Variants in PPARGC1A observed in about 807,000 individuals in gnomAD.
PPARGC1A encodes the protein peroxisome proliferator-activated receptor gamma coactivator 1-alpha.
In PPARGC1A, 25 loss-of-function variants were observed where a neutral mutation model predicts 88.7. That is an observed-to-expected ratio of 0.28 (90% CI 0.21 to 0.39). The LOEUF (loss-of-function observed/expected upper bound fraction) is 0.39. PPARGC1A is among the 10% of genes least tolerant of loss of function. PPARGC1A has a pLI of 1.00. For synonymous variants in PPARGC1A, 363 were observed against 355.6 expected, an observed-to-expected ratio of 1.02 and a Z score of -0.24; for missense variants, 880 against 968.7, an observed-to-expected ratio of 0.91 and a Z score of 1.22.
At chr4:24,270,338 T>TTG in the PPARGC1A span, among the ~76,000 whole-genome samples, 1 of 145,688 alleles carries the variant, frequency 6.9e-6, no homozygotes, top group Non-Finnish European at 1.5e-5. Context: ...TCTCTCTGTG[T>TTG]GTGTGTGTGT....
chr4:24,311,410 T>G, the PPARGC1A span, among the ~76,000 whole-genome samples: 1 of 145,282 alleles, frequency 6.9e-6, no homozygotes, highest in Non-Finnish European at 1.5e-5. Context: ...CTTGGCCGGG[T>G]GGATCACGAG....
the PPARGC1A span, among the ~76,000 whole-genome samples, chr4:24,144,847 G>A: frequency 1.3e-5 from 2 of 151,920 alleles, no homozygotes; most frequent in African/African-American, 2.4e-5. Context: ...CAAAATCACC[G>A]AGGTGGTATT....
intron 3 of PPARGC1A, 24 bp from the exon 4 acceptor site, chr4:23,829,609 G>A (rs1265118688): frequency 1.9e-6 from 3 of 1,602,604 alleles, no homozygotes; most frequent in Non-Finnish European, 2.6e-6. Flanking sequence ...CAGGGAAAGG[G>A]AAAAGCAAGT....
the PPARGC1A span, among the ~76,000 whole-genome samples, chr4:24,236,710 A>T: frequency 6.6e-6 from 1 of 152,176 alleles, no homozygotes; most frequent in Non-Finnish European, 1.5e-5. Context: ...GCAAACACAC[A>T]GTGTTCTTTA....
chr4:24,035,498 A>G, the PPARGC1A span, among the ~76,000 whole-genome samples: 1 of 152,082 alleles, frequency 6.6e-6, no homozygotes, highest in East Asian at 1.9e-4. Flanking sequence ...GCGAGCCGAG[A>G]TCGCGCCATC....
At chr4:24,324,774 C>G in the PPARGC1A span, among the ~76,000 whole-genome samples, 1 of 152,138 alleles carries the variant, frequency 6.6e-6, no homozygotes, top group Non-Finnish European at 1.5e-5. Flanking sequence ...TCTCTGTGCC[C>G]AGTGAAACTC....
the PPARGC1A span, among the ~76,000 whole-genome samples, chr4:24,051,560 G>A: frequency 6.6e-6 from 1 of 152,116 alleles, no homozygotes; most frequent in African/African-American, 2.4e-5. Flanking sequence ...TAAGGCACTA[G>A]CCTCAAATCA....
At chr4:23,999,785 A>G in the PPARGC1A span, among the ~76,000 whole-genome samples, 126 of 152,264 alleles carry the variant, frequency 8.3e-4, no homozygotes, top group African/African-American at 3.0e-3. Context: ...GCACTCTGTG[A>G]TGGGGAGAGA....
the PPARGC1A span, among the ~76,000 whole-genome samples, chr4:24,417,117 G>A: frequency 6.6e-6 from 1 of 152,008 alleles, no homozygotes; most frequent in African/African-American, 2.4e-5. Context: ...AAAGGAAGGA[G>A]AGTTGGAAGG....
At chr4:24,132,775 A>G in the PPARGC1A span, among the ~76,000 whole-genome samples, 2 of 151,766 alleles carry the variant, frequency 1.3e-5, no homozygotes, top group African/African-American at 4.8e-5. Context: ...TCAGACAAAC[A>G]ACATCCTTTC....
the PPARGC1A span, among the ~76,000 whole-genome samples, chr4:24,317,660 G>A: frequency 1.4e-5 from 2 of 141,394 alleles, no homozygotes; most frequent in Non-Finnish European, 3.0e-5. Flanking sequence ...GCATCTTGTA[G>A]ACAGAGAAAT....
At position 23,795,456 on chromosome 4, in the gene PPARGC1A, A is replaced by G. The variant is rs532341615; in HGVS notation, c.*366T>C. The G allele has an allele frequency of 4.9e-4, 84 of 172,940 alleles. 1 individual carries two copies. The South Asian group carries it at 0.012, about 25-fold the overall frequency. 10.7% of individuals were successfully genotyped at this position (172,940 alleles called of 1,614,324 possible). A position where few individuals can be genotyped will look rare whatever the true frequency, so the allele number is the denominator to read the frequency against. ...TCAGGTGCCCCCAGTCCTCACATGTACCCACACATACTTCCCCTAAACCAA... is the reference window on the plus strand; with the variant it reads ...TCAGGTGCCCCCAGTCCTCACATGTGCCCACACATACTTCCCCTAAACCAA... On this transcript the variant is annotated 3_prime_UTR_variant, in exon 13 of 13. Coordinates refer to ENST00000264867, the MANE Select transcript of PPARGC1A (RefSeq NM_013261.5).
the PPARGC1A span, among the ~76,000 whole-genome samples, chr4:24,444,860 C>G: frequency 6.6e-6 from 1 of 152,072 alleles, no homozygotes. Context: ...TTGAGACCAG[C>G]CTGAGCAACA....
chr4:24,076,997 T>G, the PPARGC1A span, among the ~76,000 whole-genome samples: 1 of 151,632 alleles, frequency 6.6e-6, no homozygotes, highest in South Asian at 2.1e-4. Context: ...ATTTCTTATT[T>G]CCCTCCTTTT....
chr4:24,262,118 C>T, the PPARGC1A span, among the ~76,000 whole-genome samples: 6 of 151,894 alleles, frequency 4.0e-5, no homozygotes, highest in East Asian at 1.9e-4. Context: ...CAAGTCACCA[C>T]GCACCCCCCG....
In PPARGC1A at chr4:23,813,693, G is replaced by A; in HGVS notation, c.1790C>T (p.Ser597Leu). 1 of 1,573,474 alleles carries A rather than the reference G, an allele frequency of 6.4e-7. No homozygotes were observed. The highest frequency in any genetic ancestry group is 8.6e-7 in the Non-Finnish European group (1 of 1,156,170). Residue 597 changes from serine (S) to leucine (L), a missense_variant, in exon 8 of 13, where the codon TCA becomes TTA. Ser to Leu is a moderately radical substitution (Grantham distance 145). Coordinates refer to ENST00000264867, the MANE Select transcript of PPARGC1A (RefSeq NM_013261.5). Reference protein sequence around the residue: ...RSRSPGSRSSSRSCYYYESSH... With the variant: ...RSRSPGSRSSLRSCYYYESSH... ...TTAGGGTTTTGCCAAGGTTTACCTT[G>A]AAGAGGATCTACTGCCTGGAGACCT...
chr4:24,248,118 CTCTTTTTTCTTTTT>C, the PPARGC1A span, among the ~76,000 whole-genome samples: 1 of 152,098 alleles, frequency 6.6e-6, no homozygotes, highest in East Asian at 1.9e-4. Flanking sequence ...GTATTTCTTT[CTCTTTTTTCTTTTT>C]TCTTTTTTTT....
intron 1 of PPARGC1A, among the ~76,000 whole-genome samples, chr4:23,887,938 T>A (rs1018645843): frequency 1.3e-4 from 20 of 152,278 alleles, no homozygotes; most frequent in African/African-American, 3.6e-4. Context: ...AACCTTACTG[T>A]ATATCACCTT....
the PPARGC1A span, among the ~76,000 whole-genome samples, chr4:23,975,358 G>A: frequency 1.3e-5 from 2 of 151,922 alleles, no homozygotes; most frequent in East Asian, 3.9e-4. Flanking sequence ...TTTGATTAAA[G>A]AATGAGTTGA....
Sources: allele counts gnomAD v4.1 joint callset (sites outside exome capture counted in the v4.1 genomes callset), GRCh38; gene constraint gnomAD v4.1.1; transcripts MANE v1.5; gene names NCBI Gene and HGNC (gene_info 2026-07-23, HGNC 2026-07-21).